The following MAPK12 variants were observed in gnomAD, a reference collection of about 807,000 sequenced individuals.
MAPK12 encodes the protein MAP kinase 12.
Under a neutral mutation model 49.1 loss-of-function variants are expected in MAPK12, and 49 were observed. The ratio of observed to expected loss-of-function variants is 1.00; its 90% CI spans 0.79 to 1.27. The LOEUF is 1.27. Among genes scored for constraint, MAPK12 ranks in the 50% most tolerant of loss-of-function variants. The probability of loss-of-function intolerance (pLI) is 0.00; values close to 1 mark genes in which losing one functional copy is unlikely to be tolerated. For missense variants in MAPK12, 554 were observed against 502.4 expected, an observed-to-expected ratio of 1.10 and a Z score of -0.98; for synonymous variants, 251 against 209.7, an observed-to-expected ratio of 1.20 and a Z score of -1.70.
intron 7 of MAPK12, 59 bp from the exon 8 acceptor site, chr22:50,255,940 A>G (rs1181829685): frequency 3.2e-6 from 5 of 1,559,944 alleles, no homozygotes; most frequent in Non-Finnish European, 4.4e-6. Context: ...ACGGGGAGGG[A>G]GGAGACACCA....
chr22:50,259,513 C>T (rs2065187410), intron 2 of MAPK12, among the ~76,000 whole-genome samples: 1 of 152,076 alleles, frequency 6.6e-6, no homozygotes, highest in Non-Finnish European at 1.5e-5. Context: ...AGAGCCTCAG[C>T]TGCAGGCCAG....
intron 3 of MAPK12, among the ~76,000 whole-genome samples, 193 bp from the exon 4 acceptor site, chr22:50,257,386 C>T (rs377136156): frequency 3.9e-5 from 6 of 152,186 alleles, no homozygotes; most frequent in African/African-American, 1.4e-4. Context: ...TCCATCCTCC[C>T]GCAACTGTTA....
intron 3 of MAPK12, 94 bp downstream of exon 3, chr22:50,258,148 GA>G (rs1333499827): frequency 5.1e-6 from 6 of 1,181,664 alleles, no homozygotes; most frequent in Non-Finnish European, 7.6e-6. Flanking sequence ...CAGGCTGCAG[GA>G]AGAGAACCCC....
chr22:50,258,922 G>A (rs2078039464), intron 2 of MAPK12, among the ~76,000 whole-genome samples: 1 of 152,228 alleles, frequency 6.6e-6, no homozygotes, highest in Non-Finnish European at 1.5e-5. Context: ...CAGAGTGGCC[G>A]AGGCAGGAGG....
intron 11 of MAPK12, chr22:50,254,586 A>C (rs1035007430): frequency 3.3e-6 from 3 of 913,390 alleles, no homozygotes; most frequent in Middle Eastern, 5.5e-4. Flanking sequence ...CGGGAGACGG[A>C]GCTTGCAGTG....
intron 11 of MAPK12, chr22:50,253,687 T>G: frequency 1.7e-6 from 1 of 589,382 alleles, no homozygotes; most frequent in East Asian, 2.8e-5. Flanking sequence ...GGCCAGGGCT[T>G]GGCCACATGT....
At position 50,256,693 on chromosome 22, in the gene MAPK12, T is replaced by C. The variant is rs537030719; in HGVS notation, c.457-47A>G. 10 of 1,583,612 alleles carry C rather than the reference T, an allele frequency of 6.3e-6. 1 individual carries two copies. The Admixed American group carries it at 1.4e-4, about 23-fold the overall frequency. Reference sequence around the variant, plus strand: ...CCACTGTGCCCCACCCTCCCAAGCATGGGCACAGCCAAGAGCCTGGGTGGC... The same window carrying C: ...CCACTGTGCCCCACCCTCCCAAGCACGGGCACAGCCAAGAGCCTGGGTGGC... On this transcript the variant is annotated intron_variant, in intron 5 of 11. Coordinates refer to ENST00000215659, the MANE Select transcript of MAPK12 (RefSeq NM_002969.6).
intron 1 of MAPK12, 30 bp downstream of exon 1, chr22:50,261,355 C>G: frequency 8.9e-7 from 1 of 1,126,532 alleles, no homozygotes; most frequent in Non-Finnish European, 1.1e-6. Context: ...CCGCCCGCCC[C>G]GCCGGCCGCC....
chr22:50,259,586 G>C (rs1016957938), intron 2 of MAPK12, among the ~76,000 whole-genome samples: 1 of 152,158 alleles, frequency 6.6e-6, no homozygotes, highest in African/African-American at 2.4e-5. Flanking sequence ...GGTGGCTAAA[G>C]AAAAGCCCCG....
In MAPK12 at chr22:50,261,488, G is replaced by A; in HGVS notation, c.22C>T (p.Arg8Cys). 1 of 1,257,458 alleles carries A rather than the reference G, an allele frequency of 8.0e-7. No homozygotes were observed. Among genetic ancestry groups the A allele is most frequent in the Middle Eastern group, 2.8e-4 (1 of 3,528 alleles). 77.9% of individuals were successfully genotyped at this position (1,257,458 alleles called of 1,614,324 possible). A position where few individuals can be genotyped will look rare whatever the true frequency, so the allele number is the denominator to read the frequency against. Reference sequence around the variant, plus strand: ...ACCTCCTGGCGGTAAAAGCCACTGCGGGCGGGCGGCGGAGAGCTCATGGCA... The same window carrying A: ...ACCTCCTGGCGGTAAAAGCCACTGCAGGCGGGCGGCGGAGAGCTCATGGCA... MSSPPPA[R>C]SGFYRQEVTK... Residue 8 changes from arginine to cysteine, a missense_variant, in exon 1 of 12, where the codon CGC (arginine) becomes TGC (cysteine). Coordinates refer to ENST00000215659, the MANE Select transcript of MAPK12 (RefSeq NM_002969.6).
At chr22:50,257,642 T>A in intron 3 of MAPK12, 1 of 578,812 alleles carries the variant, frequency 1.7e-6, no homozygotes. Context: ...CGGCAAGGCA[T>A]CTGGGTCAGA....
At position 50,261,593 on chromosome 22, in the gene MAPK12, C is replaced by A; in HGVS notation, c.-84G>T. 1 of 1,002,738 alleles carries A rather than the reference C, an allele frequency of 1.0e-6. No homozygotes were observed. The highest frequency in any genetic ancestry group is 1.2e-6 in the Non-Finnish European group (1 of 844,310). 62.1% of individuals were successfully genotyped at this position (1,002,738 alleles called of 1,614,324 possible). On this transcript the variant is annotated 5_prime_UTR_variant, in exon 1 of 12. Coordinates refer to ENST00000215659, the MANE Select transcript of MAPK12 (RefSeq NM_002969.6). The stretch of plus-strand genomic sequence containing the variant: ...GACGGGGCTCCCTCGGCGCGCGCCT[C>A]GGGCCGGCTCCGCGCCGCTCGTCCG...
rs2065210939 is a variant in MAPK12 at position 50,261,298 on chromosome 22, T to A, written c.126-2A>T. 1 of 1,455,562 alleles carries A rather than the reference T, an allele frequency of 6.9e-7. No homozygotes were observed. The highest frequency in any genetic ancestry group is 1.5e-5 in the African/African-American group (1 of 67,556). The allele number at this position is 1,455,562 out of a possible 1,614,324, so 90.2% of individuals were successfully genotyped here. A position where few individuals can be genotyped will look rare whatever the true frequency, so the allele number is the denominator to read the frequency against. Reference sequence around the variant, plus strand: ...CCGGTGCGGCCGTCCACGGCCGAGCTGCGGGGCGGACCGCTTAGCGGGAAG... The same window carrying A: ...CCGGTGCGGCCGTCCACGGCCGAGCAGCGGGGCGGACCGCTTAGCGGGAAG... On this transcript the variant is annotated splice_acceptor_variant, in intron 1 of 11. Transcript: ENST00000215659. LOFTEE classifies it high-confidence loss of function.
chr22:50,258,062 G>A (rs561543331), intron 3 of MAPK12, 181 bp downstream of exon 3: 1 of 723,922 alleles, frequency 1.4e-6, no homozygotes, highest in East Asian at 2.7e-5. Flanking sequence ...GTGCCCGTGG[G>A]TCCCAGGACC....
chr22:50,257,350 C>T (rs2065161297), intron 3 of MAPK12, among the ~76,000 whole-genome samples, 157 bp from the exon 4 acceptor site: 1 of 152,198 alleles, frequency 6.6e-6, no homozygotes, highest in South Asian at 2.1e-4. Flanking sequence ...TCGGTGTCCT[C>T]GCAGCCCCAC....
chr22:50,256,486 C>T, intron 6 of MAPK12, 113 bp downstream of exon 6: 2 of 1,393,326 alleles, frequency 1.4e-6, no homozygotes, highest in Non-Finnish European at 9.8e-7. Context: ...TCCTCAGCCA[C>T]TGCCCAGAGC....
chr22:50,255,897 T>C lies in MAPK12; in HGVS notation c.620-16A>G, dbSNP rs899342137. ...CAGATGTCCACTGAGATAGAAGCCC[T>C]GGTCAGCTCCGTGGGCAGGGGGACA... On this transcript the variant is annotated splice_polypyrimidine_tract_variant and intron_variant, in intron 7 of 11. Transcript: ENST00000215659. 6 of 1,610,780 alleles carry C rather than the reference T, an allele frequency of 3.7e-6. No individual in the cohort carries two copies. The highest frequency in any genetic ancestry group is 5.1e-6 in the Non-Finnish European group (6 of 1,178,610).
At chr22:50,253,516 G>T in intron 11 of MAPK12, 36 bp from the exon 12 acceptor site, 2 of 944,904 alleles carry the variant, frequency 2.1e-6, no homozygotes, top group South Asian at 2.8e-5. Flanking sequence ...AACAGAGAGG[G>T]GGGTCAGCCT....
rs775420472 is a variant in MAPK12, at chr22:50,257,070, C to G, written c.426+12G>C. On this transcript the variant is annotated intron_variant, in intron 4 of 11. Transcript: ENST00000215659. Reference sequence around the variant, plus strand: ...CTGCCTGCCTCCCTGCAGCCTCCCCCGGGGCCCGTACCCTCAGCCCCTTCA... The same window carrying G: ...CTGCCTGCCTCCCTGCAGCCTCCCCGGGGGCCCGTACCCTCAGCCCCTTCA... The G allele has an allele frequency of 1.9e-6, 3 of 1,610,690 alleles. No homozygotes were observed. The highest frequency in any genetic ancestry group is 1.1e-5 in the South Asian group (1 of 91,048).
Sources: gnomAD v4.1 joint callset for allele counts (sites outside exome capture counted in the v4.1 genomes callset) on GRCh38, gnomAD v4.1.1 for gene constraint, MANE v1.5 for transcripts, NCBI Gene and HGNC (gene_info 2026-07-23, HGNC 2026-07-21) for gene names.